FAT2: variants seen among roughly 807,000 people sequenced by gnomAD.
FAT2 encodes the protein protocadherin Fat 2.
Under a neutral mutation model 295.3 loss-of-function variants are expected in FAT2, and 150 were observed. That is an observed-to-expected ratio of 0.51 (90% CI 0.44 to 0.58). The LOEUF (loss-of-function observed/expected upper bound fraction) is 0.58, where lower values mean the gene tolerates loss of function less well. Ranked by LOEUF, FAT2 falls within the 20% of genes least tolerant of loss-of-function variation. FAT2 has a pLI of 0.00. For synonymous variants in FAT2, 2,026 were observed against 2,150.3 expected (o/e 0.94, Z 1.60); for missense variants, 4,868 against 5,442.7 (o/e 0.89, Z 3.32).
chr5:151,583,069 T>G (rs144765037), intron 1 of FAT2, among the ~76,000 whole-genome samples: 22 of 152,120 alleles, frequency 1.4e-4, no homozygotes, highest in African/African-American at 5.3e-4. Flanking sequence ...CTTCCTGAGG[T>G]CTTTCTATCT....
rs999073527 is a variant in FAT2, at chr5:151,522,077, T to C, written c.10516A>G (p.Ser3506Gly). The C allele has an allele frequency of 1.1e-5, 17 of 1,589,584 alleles. No homozygotes were observed. Among genetic ancestry groups the C allele is most frequent in the African/African-American group, 5.4e-5 (4 of 74,518 alleles). ...AAAGACGAGAGGGGAGGGATGCCAC[T>C]GTCTGACGCCTGTGGGCAAAACAAA... is the stretch of plus-strand genomic sequence containing the variant. ...WYQLQIQASDSGIPPLSSLTS... is the reference protein window; with the variant it reads ...WYQLQIQASDGGIPPLSSLTS... Residue 3506 changes from serine (S) to glycine (G), a missense_variant, in exon 19 of 24, where the codon AGT (serine) becomes GGT (glycine). By Grantham distance (56) the Ser-to-Gly change is moderately conservative. Coordinates refer to ENST00000261800, the MANE Select transcript of FAT2 (RefSeq NM_001447.3).
In FAT2 at chr5:151,568,398, GC is replaced by G; in HGVS notation, c.533del (p.Gly178AlafsTer45). On this transcript the variant is annotated frameshift_variant, in exon 2 of 24. Coordinates refer to ENST00000261800, the MANE Select transcript of FAT2 (RefSeq NM_001447.3). LOFTEE classifies it high-confidence loss of function. ...AGGCATAATAGAACTCAGCATTCTG[GC>G]CTAGATCAGCATCTGTGGCAGTCAC... Reference protein sequence around the residue: ...CKVTATDADLGQNAEFYYAFN... With the variant: ...CKVTATDADLXQNAEFYYAFN... 6.2e-7 allele frequency: 1 copy of G among 1,614,170 alleles called. No homozygotes were observed. Among genetic ancestry groups the G allele is most frequent in the African/African-American group, 1.3e-5 (1 of 75,020 alleles).
intron 1 of FAT2, among the ~76,000 whole-genome samples, chr5:151,577,938 C>A (rs1163874029): frequency 6.6e-6 from 1 of 151,714 alleles, no homozygotes; most frequent in African/African-American, 2.4e-5. Flanking sequence ...GGGTCAACAA[C>A]TCTAGCCCCA....
At chr5:151,579,192 T>C (rs538539807) in intron 1 of FAT2, among the ~76,000 whole-genome samples, 2 of 152,322 alleles carry the variant, frequency 1.3e-5, no homozygotes, top group Middle Eastern at 3.4e-3. Flanking sequence ...TTGTACAACA[T>C]GGTAACTATA....
chr5:151,551,149 T>C (rs1328432380), intron 7 of FAT2, among the ~76,000 whole-genome samples: 2 of 152,210 alleles, frequency 1.3e-5, no homozygotes, highest in African/African-American at 2.4e-5. Flanking sequence ...GATAAAACAC[T>C]GGCTGAAGCT....
intron 1 of FAT2, among the ~76,000 whole-genome samples, chr5:151,576,437 T>C (rs1162648009): frequency 1.3e-5 from 2 of 152,218 alleles, no homozygotes; most frequent in Admixed American, 6.5e-5. Flanking sequence ...TAAGTTATAC[T>C]ATAGGTTTTT....
intron 18 of FAT2, among the ~76,000 whole-genome samples, chr5:151,523,219 C>T (rs1753666118): frequency 6.6e-6 from 1 of 152,148 alleles, no homozygotes; most frequent in South Asian, 2.1e-4. Flanking sequence ...TAATAATTAA[C>T]ACTACTGTTA....
rs1329658300 is a variant in FAT2, at chr5:151,566,103, G to C, written c.2829C>G (p.Val943=). ...GATCAGAGGCATCCAGAAATGTCAA[G>C]ACAGTCCCGGGGGGCAGGTCCTCTG... ...KVPEDLPPGT[V]LTFLDASDPD... is the part of the protein sequence containing the mutation. Residue 943 remains valine, a synonymous_variant, in exon 2 of 24, where the codon GTC becomes GTG. Transcript: ENST00000261800. The C allele has an allele frequency of 3.7e-6, 6 of 1,614,176 alleles. No individual in the cohort carries two copies. Among genetic ancestry groups the C allele is most frequent in the Non-Finnish European group, 5.1e-6 (6 of 1,180,040 alleles).
intron 10 of FAT2, among the ~76,000 whole-genome samples, chr5:151,541,544 A>G (rs1047275223): frequency 6.6e-6 from 1 of 152,190 alleles, no homozygotes; most frequent in African/African-American, 2.4e-5. Context: ...TAGCAGAAGG[A>G]GCCATGTTCA....
rs1425801346 is a variant in FAT2 at position 151,545,925 on chromosome 5, A to C, written c.5202T>G (p.Asn1734Lys). ...TGACATCAGTAAATGCACCTGCCAT[A>C]TTGCTGCCTCGGATTTTCAGCTGGT... Reference protein sequence around the residue: ...SSYQLKIRGSNMAGAFTDVMV... With the variant: ...SSYQLKIRGSKMAGAFTDVMV... Residue 1734 changes from asparagine (N) to lysine (K), a missense_variant, in exon 10 of 24, where the codon AAT becomes AAG. By Grantham distance (94) the Asn-to-Lys change is moderately conservative. This residue lies in a region of FAT2 where 3,297 missense variants were observed against 3,669.4 expected (regional missense o/e 0.90). Transcript: ENST00000261800. 4 of 1,614,152 alleles carry C rather than the reference A, an allele frequency of 2.5e-6. No homozygotes were observed. Among genetic ancestry groups the C allele is most frequent in the Non-Finnish European group, 3.4e-6 (4 of 1,180,026 alleles).
intron 8 of FAT2, 57 bp from the exon 9 acceptor site, chr5:151,549,562 G>T: frequency 6.7e-7 from 1 of 1,499,632 alleles, no homozygotes; most frequent in Non-Finnish European, 9.3e-7. Context: ...AGGAGGCAGG[G>T]TTAGGGTAAG....
In FAT2 at chr5:151,553,324, T is replaced by C. The variant is rs553540151; in HGVS notation, c.4009A>G (p.Ile1337Val). 4.2e-5 allele frequency: 68 copies of C among 1,614,242 alleles called. No individual in the cohort carries two copies. In the South Asian group the frequency reaches 4.7e-4, roughly 11 times the overall value. Residue 1337 changes from isoleucine (I) to valine (V), a missense_variant, in exon 6 of 24, where the codon ATC becomes GTC. Physicochemically the swap from Ile to Val is conservative, Grantham distance 29. Around this residue, in one of 5 missense-constraint regions of FAT2, gnomAD observed 3,297 missense variants for 3,669.4 expected, o/e 0.90. Transcript: ENST00000261800. ...ATGGAGGACGGCCGGGGCCAAGGGA[T>C]CCACTCAATGTGTAGCCGGACACTG... ...SASVRLHIEW[I>V]PWPRPSSIPL...
At chr5:151,590,444 T>G (rs779867448) in intron 1 of FAT2, among the ~76,000 whole-genome samples, 28 of 152,310 alleles carry the variant, frequency 1.8e-4, no homozygotes, top group Non-Finnish European at 2.9e-4. Context: ...CCACTCTGGC[T>G]CTCCTGCCTC....
chr5:151,539,308 A>G (rs1755856968), intron 11 of FAT2, among the ~76,000 whole-genome samples: 1 of 152,212 alleles, frequency 6.6e-6, no homozygotes, highest in African/African-American at 2.4e-5. Flanking sequence ...GAGGAGATAT[A>G]TGTATTTATG....
rs1265822789 is a variant in FAT2 at position 151,542,883 on chromosome 5, G to A, written c.8244C>T (p.Val2748=). ...GVFSLDPDTG[V]IKVRKPMDHE... is the part of the protein sequence containing the mutation. ...GGTCCATGGGCTTCCTCACCTTTAT[G>A]ACCCCTGTGTCTGGGTCTAGGGAGA... is the stretch of plus-strand genomic sequence containing the variant. The change falls in exon 10 of 24, where the codon GTC becomes GTT. Residue 2748 remains valine, a synonymous_variant. Transcript: ENST00000261800. 6.2e-7 allele frequency: 1 copy of A among 1,614,034 alleles called. No individual in the cohort carries two copies. The highest frequency in any genetic ancestry group is 1.3e-5 in the African/African-American group (1 of 74,910).
In FAT2 at chr5:151,521,679, G is replaced by A. The variant is rs1254297434; in HGVS notation, c.10914C>T (p.Leu3638=). Residue 3638 remains leucine, a synonymous_variant, in exon 19 of 24, where the codon CTC becomes CTT. Coordinates refer to ENST00000261800, the MANE Select transcript of FAT2 (RefSeq NM_001447.3). ...GGTCACTCACCAGCTCCTCGGGGGT[G>A]AGCTGGTAGAAGCCCATCCACATGG... The part of the protein sequence containing the change: ...QQAMWMGFYQ[L]TPEELVSDHW... 8 of 1,613,882 alleles carry A rather than the reference G, an allele frequency of 5.0e-6. No individual in the cohort carries two copies. The highest frequency in any genetic ancestry group is 6.8e-6 in the Non-Finnish European group (8 of 1,180,038).
At chr5:151,569,828 T>A (rs1458805785) in intron 1 of FAT2, among the ~76,000 whole-genome samples, 1 of 152,224 alleles carries the variant, frequency 6.6e-6, no homozygotes, top group Non-Finnish European at 1.5e-5. Flanking sequence ...CAAACTGAGC[T>A]GTTTCCGCAC....
intron 12 of FAT2, among the ~76,000 whole-genome samples, chr5:151,535,902 G>A (rs772117885): frequency 8.5e-5 from 13 of 152,200 alleles, no homozygotes; most frequent in Admixed American, 8.5e-4. Flanking sequence ...CTTTGCTGAT[G>A]ATTGGTGTGG....
In FAT2 at chr5:151,537,438, G is replaced by T. The variant is rs544276954; in HGVS notation, c.9193+355C>A. ...AGGAAAAAAGGAAAGGAGAGGAAAGGAGAGGGGAGGGGAGGGGAGGGAAGG... is the reference window on the plus strand; with the variant it reads ...AGGAAAAAAGGAAAGGAGAGGAAAGTAGAGGGGAGGGGAGGGGAGGGAAGG... On this transcript the variant is annotated intron_variant, in intron 12 of 23. Coordinates refer to ENST00000261800, the MANE Select transcript of FAT2 (RefSeq NM_001447.3). 9.4e-4 allele frequency among the ~76,000 whole-genome samples: 83 copies of T among 88,064 alleles called. 1 individual carries two copies. Among genetic ancestry groups the T allele is most frequent in the Non-Finnish European group, 1.3e-4 (6 of 47,090 alleles). 57.8% of individuals were successfully genotyped at this position (88,064 alleles called of 152,430 possible). A position where few individuals can be genotyped will look rare whatever the true frequency, so the allele number is the denominator to read the frequency against.
Sources: gnomAD v4.1 joint callset for allele counts (sites outside exome capture counted in the v4.1 genomes callset) on GRCh38, gnomAD v4.1.1 for gene constraint, gnomAD v4.1.1 regional missense constraint, MANE v1.5 for transcripts, NCBI Gene and HGNC (gene_info 2026-07-23, HGNC 2026-07-21) for gene names.